The following RAB22A variants were observed in gnomAD, a reference collection of about 807,000 sequenced individuals.
RAB22A encodes ras-related protein Rab-22A.
RAB22A carries 13 observed loss-of-function variants against 30.2 expected under a neutral mutation model. That is an observed-to-expected ratio of 0.43 (90% CI 0.28 to 0.68). The LOEUF is 0.68. Ranked by LOEUF, RAB22A falls within the 30% of genes least tolerant of loss-of-function variation. RAB22A has a pLI of 0.18. For synonymous variants in RAB22A, 89 were observed against 87.2 expected, an observed-to-expected ratio of 1.02 and a Z score of -0.11; for missense variants, 177 against 246.8, an observed-to-expected ratio of 0.72 and a Z score of 1.89.
Position 58,309,801 on chromosome 20 carries a change from C to A in RAB22A, c.-176C>A, listed in dbSNP as rs1249425972. On this transcript the variant is annotated 5_prime_UTR_variant, in exon 1 of 7. Coordinates refer to ENST00000244040, the MANE Select transcript of RAB22A (RefSeq NM_020673.3). ...GTCCCGGCTGCTAAGGCGGGCCCCACGCGGCTGGCAGCGGACAGGCCGGAC... is the reference window on the plus strand; with the variant it reads ...GTCCCGGCTGCTAAGGCGGGCCCCAAGCGGCTGGCAGCGGACAGGCCGGAC... 1.4e-5 allele frequency: 7 copies of A among 495,052 alleles called. No homozygotes were observed. In the Admixed American group the frequency reaches 1.4e-4, roughly 10 times the overall value. The allele number at this position is 495,052 out of a possible 1,614,324, so 30.7% of individuals were successfully genotyped here.
At chr20:58,359,492 A>T in intron 6 of RAB22A, 114 bp from the exon 7 acceptor site, 1 of 661,952 alleles carries the variant, frequency 1.5e-6, no homozygotes, top group Non-Finnish European at 2.4e-6. Flanking sequence ...AAAGTTTATT[A>T]AACTTTTTTT....
At chr20:58,356,830 G>A (rs1987137083) in intron 6 of RAB22A, among the ~76,000 whole-genome samples, 1 of 152,168 alleles carries the variant, frequency 6.6e-6, no homozygotes. Flanking sequence ...TCTCATGGCT[G>A]GTTTGTGCGT....
chr20:58,349,140 C>CA (rs11086641), intron 3 of RAB22A, among the ~76,000 whole-genome samples: 83,389 of 151,936 alleles, frequency 0.55, 24,231 homozygotes, highest in African/African-American at 0.74. Flanking sequence ...TCAGTAATAG[C>CA]GAGTGGCTTG....
At chr20:58,329,450 G>C (rs1481898032) in intron 2 of RAB22A, among the ~76,000 whole-genome samples, 1 of 152,068 alleles carries the variant, frequency 6.6e-6, no homozygotes, top group Admixed American at 6.6e-5. Context: ...CCTGGCCTTC[G>C]TTGTTTTTGT....
intron 2 of RAB22A, among the ~76,000 whole-genome samples, chr20:58,320,846 A>C (rs1986442121): frequency 6.6e-6 from 1 of 152,108 alleles, no homozygotes; most frequent in South Asian, 2.1e-4. Flanking sequence ...ACTTGAAGTC[A>C]GGAGTTCAAG....
chr20:58,356,062 G>C (rs1987124785), intron 6 of RAB22A, among the ~76,000 whole-genome samples: 1 of 152,172 alleles, frequency 6.6e-6, no homozygotes, highest in South Asian at 2.1e-4. Flanking sequence ...TATAATCCCA[G>C]CACTTTGGGA....
chr20:58,338,171 G>T (rs1986792951), intron 2 of RAB22A, among the ~76,000 whole-genome samples: 1 of 151,658 alleles, frequency 6.6e-6, no homozygotes, highest in Non-Finnish European at 1.5e-5. Flanking sequence ...GGATTACAGG[G>T]ACCCGCCATC....
rs1352047098 is a variant in RAB22A, at chr20:58,367,479, GT to G, written c.*7778del. On this transcript the variant is annotated 3_prime_UTR_variant, in exon 7 of 7. Coordinates refer to ENST00000244040, the MANE Select transcript of RAB22A (RefSeq NM_020673.3). ...GTTGTAAGAAGGGTGTAAACATTTT[GT>G]TAATAAAATGCTATGTTTACAAATA... 6.6e-6 allele frequency: 1 copy of G among 152,554 alleles called. No individual in the cohort carries two copies. The highest frequency in any genetic ancestry group is 1.5e-5 in the Non-Finnish European group (1 of 68,014). 9.5% of individuals were successfully genotyped at this position (152,554 alleles called of 1,614,324 possible).
At chr20:58,350,222 C>T (rs369101185) in intron 3 of RAB22A, among the ~76,000 whole-genome samples, 2 of 152,204 alleles carry the variant, frequency 1.3e-5, no homozygotes, top group South Asian at 4.1e-4. Flanking sequence ...AGATGAAAAA[C>T]TCACTGGAGG....
intron 2 of RAB22A, among the ~76,000 whole-genome samples, chr20:58,315,610 G>A (rs563917999): frequency 2.6e-5 from 4 of 152,194 alleles, no homozygotes; most frequent in Admixed American, 1.3e-4. Flanking sequence ...GGAGAATTCC[G>A]TGACTCCATA....
intron 3 of RAB22A, among the ~76,000 whole-genome samples, chr20:58,349,054 T>G (rs950289007): frequency 6.6e-6 from 1 of 152,212 alleles, no homozygotes; most frequent in East Asian, 1.9e-4. Context: ...GGAGCAGAGA[T>G]GTGCTGACAG....
In RAB22A at chr20:58,364,776, G is replaced by C. The variant is rs1306069692; in HGVS notation, c.*5073G>C. 1 of 144,990 alleles carries C rather than the reference G, an allele frequency of 6.9e-6. No individual in the cohort carries two copies. The highest frequency in any genetic ancestry group is 2.6e-5 in the African/African-American group (1 of 38,572). 9.0% of individuals were successfully genotyped at this position (144,990 alleles called of 1,614,324 possible). A position where few individuals can be genotyped will look rare whatever the true frequency, so the allele number is the denominator to read the frequency against. ...TTTTTAGATGGAGTCTCACTCTGTC[G>C]CCCAGGCTGGTATGCAGTGGCGCGA... is the stretch of plus-strand genomic sequence containing the variant. On this transcript the variant is annotated 3_prime_UTR_variant, in exon 7 of 7. Coordinates refer to ENST00000244040, the MANE Select transcript of RAB22A (RefSeq NM_020673.3).
At chr20:58,342,579 C>T (rs1370347490) in intron 2 of RAB22A, among the ~76,000 whole-genome samples, 1 of 150,600 alleles carries the variant, frequency 6.6e-6, no homozygotes, top group Non-Finnish European at 1.5e-5. Flanking sequence ...AAATGCCAGC[C>T]ATTGAGTTCA....
chr20:58,325,523 AGTT>A (rs1986554032), intron 2 of RAB22A, among the ~76,000 whole-genome samples: 1 of 152,192 alleles, frequency 6.6e-6, no homozygotes, highest in Non-Finnish European at 1.5e-5. Context: ...GGATCCAACA[AGTT>A]TTTTTTATAG....
At chr20:58,325,006 C>G (rs190574683) in intron 2 of RAB22A, among the ~76,000 whole-genome samples, 1 of 144,190 alleles carries the variant, frequency 6.9e-6, no homozygotes, top group East Asian at 2.0e-4. Context: ...GAAACCCCGT[C>G]TCTACTAAAA....
chr20:58,346,633 T>G (rs1229277239), intron 3 of RAB22A, among the ~76,000 whole-genome samples: 1 of 152,208 alleles, frequency 6.6e-6, no homozygotes, highest in Admixed American at 6.5e-5. Flanking sequence ...GAACATTCAT[T>G]AAAAATTGTC....
chr20:58,323,624 T>C (rs1331617515), intron 2 of RAB22A, among the ~76,000 whole-genome samples: 2 of 150,240 alleles, frequency 1.3e-5, no homozygotes, highest in Non-Finnish European at 3.0e-5. Context: ...CTTTTTTTTT[T>C]CTTTTTTTTT....
At chr20:58,312,614 G>C (rs1040171210) in intron 2 of RAB22A, among the ~76,000 whole-genome samples, 4 of 148,430 alleles carry the variant, frequency 2.7e-5, no homozygotes, top group African/African-American at 9.9e-5. Flanking sequence ...TCAGCCTCCC[G>C]AGTAGCTGGG....
At chr20:58,324,465 C>T (rs1986520050) in intron 2 of RAB22A, among the ~76,000 whole-genome samples, 1 of 152,166 alleles carries the variant, frequency 6.6e-6, no homozygotes, top group African/African-American at 2.4e-5. Flanking sequence ...CTAATTTCTA[C>T]TCCCATCTTT....
Sources: gnomAD v4.1 joint callset for allele counts (sites outside exome capture counted in the v4.1 genomes callset) on GRCh38, gnomAD v4.1.1 for gene constraint, MANE v1.5 for transcripts, NCBI Gene and HGNC (gene_info 2026-07-23, HGNC 2026-07-21) for gene names.